Variants in FLRT1 observed in about 807,000 individuals in gnomAD.
FLRT1 encodes the protein leucine-rich repeat transmembrane protein FLRT1.
A neutral mutation model predicts 30.9 loss-of-function variants in FLRT1; 14 were observed. The observed-to-expected ratio is 0.45, with a 90% CI of 0.30 to 0.71. The LOEUF (loss-of-function observed/expected upper bound fraction) is 0.71. FLRT1 is among the 30% of genes least tolerant of loss of function. The pLI, the probability that FLRT1 is intolerant of heterozygous loss-of-function variation, is 0.08. For missense variants in FLRT1, 737 were observed against 949.2 expected (o/e 0.78, Z 2.94); for synonymous variants, 368 against 430.4 (o/e 0.85, Z 1.80).
intron 1 of FLRT1, among the ~76,000 whole-genome samples, chr11:64,097,868 C>T (rs1030416681): frequency 2.6e-5 from 4 of 152,164 alleles, no homozygotes; most frequent in African/African-American, 9.6e-5. Context: ...GAGCCCATAG[C>T]AAGCCGGCTG....
intron 1 of FLRT1, among the ~76,000 whole-genome samples, chr11:64,065,013 G>A (rs1943970740): frequency 6.6e-6 from 1 of 152,216 alleles, no homozygotes; most frequent in South Asian, 2.1e-4. Flanking sequence ...GCCAGAGGCG[G>A]GCAATGCTGG....
Position 64,082,337 on chromosome 11 carries a change from G to T in FLRT1, c.-1037-20857G>T, listed in dbSNP as rs1005741512. On this transcript the variant is annotated intron_variant, in intron 1 of 2. Transcript: ENST00000682287. This position sits in a 1 kb window ranked among gnomAD's most constrained non-coding sequence, Gnocchi z 4.5. ...CGCTGGGTGGAGGATGATCCGGGGG[G>T]ACCGTGGAAGGCAGGACGGGGGCCA... Among the ~76,000 whole-genome samples, 2 of 152,028 alleles carry T rather than the reference G, an allele frequency of 1.3e-5. No homozygotes were observed. The highest frequency in any genetic ancestry group is 2.9e-5 in the Non-Finnish European group (2 of 67,982).
intron 1 of FLRT1, among the ~76,000 whole-genome samples, chr11:64,055,287 G>A (rs1010612810): frequency 6.6e-6 from 1 of 152,224 alleles, no homozygotes; most frequent in Non-Finnish European, 1.5e-5. Flanking sequence ...TGCAGTGGGC[G>A]GGAGACAGGA....
chr11:64,072,041 C>T (rs374797384), intron 1 of FLRT1, among the ~76,000 whole-genome samples: 34 of 152,192 alleles, frequency 2.2e-4, no homozygotes, highest in African/African-American at 7.7e-4. Flanking sequence ...GACCGCCGCG[C>T]GCACTAAATC....
intron 1 of FLRT1, among the ~76,000 whole-genome samples, chr11:64,041,354 C>G (rs1287766176): frequency 1.3e-5 from 2 of 152,096 alleles, no homozygotes; most frequent in African/African-American, 2.4e-5. Flanking sequence ...CCTCCACCCC[C>G]CGTGACGCCT....
At chr11:64,105,080 A>G (rs1056364177) in intron 2 of FLRT1, among the ~76,000 whole-genome samples, 1 of 152,244 alleles carries the variant, frequency 6.6e-6, no homozygotes, top group Non-Finnish European at 1.5e-5. Context: ...CATGCATGCC[A>G]TCTGCGGGGG....
chr11:64,039,082 T>C (rs375069886), intron 1 of FLRT1, among the ~76,000 whole-genome samples: 6 of 152,228 alleles, frequency 3.9e-5, no homozygotes, highest in African/African-American at 1.4e-4. Context: ...GAGGTGGCCC[T>C]CATCCCCTGC....
chr11:64,112,342 G>A (rs996212346), intron 2 of FLRT1, among the ~76,000 whole-genome samples: 5 of 151,936 alleles, frequency 3.3e-5, no homozygotes, highest in African/African-American at 1.2e-4. Flanking sequence ...TGAGACCCCC[G>A]TCTCTACTAA....
chr11:64,118,059 G>A lies in FLRT1; in HGVS notation c.1792G>A (p.Asp598Asn), dbSNP rs138860076. Reference protein sequence around the residue: ...RAYNRGSRKKDDYMESGTKKD... With the variant: ...RAYNRGSRKKNDYMESGTKKD... ...CTACAACCGGGGCAGCAGGAAAAAG[G>A]ATGACTATATGGAGTCAGGGACCAA... Residue 598 changes from aspartate (D) to asparagine (N), a missense_variant, in exon 3 of 3, where the codon GAT becomes AAT. Asp to Asn is a conservative substitution (Grantham distance 23, BLOSUM62 1). Coordinates refer to ENST00000682287, the MANE Select transcript of FLRT1 (RefSeq NM_013280.5). The A allele has an allele frequency of 5.3e-4, 852 of 1,613,588 alleles. 1 individual carries two copies. The highest frequency in any genetic ancestry group is 6.9e-4 in the Non-Finnish European group (815 of 1,179,870).
In FLRT1 at chr11:64,096,244, C is replaced by T. The variant is rs1041190479; in HGVS notation, c.-1037-6950C>T. ...GGGGGTCGAACAGCCACTGTTCTGC[C>T]GACAAAAGCAGGCCAATTTCCTGAA... On this transcript the variant is annotated intron_variant, in intron 1 of 2. Transcript: ENST00000682287. The surrounding 1 kb of genome is among the most constrained non-coding windows in gnomAD (Gnocchi z 4.6). Among the ~76,000 whole-genome samples the T allele has an allele frequency of 9.2e-5, 14 of 152,308 alleles. No homozygotes were observed. Among genetic ancestry groups the T allele is most frequent in the South Asian group, 6.2e-4 (3 of 4,828 alleles).
intron 1 of FLRT1, among the ~76,000 whole-genome samples, chr11:64,076,717 C>T (rs1044389353): frequency 6.6e-6 from 1 of 152,122 alleles, no homozygotes; most frequent in African/African-American, 2.4e-5. Context: ...TTTCAGGAGC[C>T]GGAGGTTTGA....
At position 64,082,544 on chromosome 11, in the gene FLRT1, T is replaced by A. The variant is rs1944322985; in HGVS notation, c.-1037-20650T>A. Among the ~76,000 whole-genome samples, 1 of 151,048 alleles carries A rather than the reference T, an allele frequency of 6.6e-6. No homozygotes were observed. The highest frequency in any genetic ancestry group is 1.5e-5 in the Non-Finnish European group (1 of 67,762). On this transcript the variant is annotated intron_variant, in intron 1 of 2. Coordinates refer to ENST00000682287, the MANE Select transcript of FLRT1 (RefSeq NM_013280.5). The surrounding 1 kb of genome is among the most constrained non-coding windows in gnomAD (Gnocchi z 4.5). Reference sequence around the variant, plus strand: ...TGCCTAACGGTGGTGGCCGTGGGAGTCAGAGCTCCAGGCGGAAGTAGGGTT... The same window carrying A: ...TGCCTAACGGTGGTGGCCGTGGGAGACAGAGCTCCAGGCGGAAGTAGGGTT...
chr11:64,100,432 G>A (rs1944651440), intron 1 of FLRT1, among the ~76,000 whole-genome samples: 2 of 152,152 alleles, frequency 1.3e-5, no homozygotes, highest in Non-Finnish European at 2.9e-5. Context: ...TGGTTTATTG[G>A]TTTTGAGCAC....
chr11:64,085,286 G>A (rs1377158978), intron 1 of FLRT1, among the ~76,000 whole-genome samples: 1 of 152,224 alleles, frequency 6.6e-6, no homozygotes, highest in African/African-American at 2.4e-5. Context: ...GGCCAGAGCT[G>A]ATTCTGTCCT....
chr11:64,045,272 G>A (rs533687587), intron 1 of FLRT1, among the ~76,000 whole-genome samples: 1 of 152,198 alleles, frequency 6.6e-6, no homozygotes, highest in Admixed American at 6.5e-5. Context: ...GCGGCCTGCC[G>A]TCACAGAGCA....
intron 1 of FLRT1, among the ~76,000 whole-genome samples, chr11:64,048,893 C>T (rs1353544342): frequency 2.0e-5 from 3 of 152,032 alleles, no homozygotes; most frequent in African/African-American, 7.3e-5. Flanking sequence ...CTTGCCCTGT[C>T]CCCACAGAGC....
intron 1 of FLRT1, among the ~76,000 whole-genome samples, chr11:64,048,402 G>T (rs893376292): frequency 6.6e-6 from 1 of 152,214 alleles, no homozygotes; most frequent in African/African-American, 2.4e-5. Context: ...GCCTCCCGGG[G>T]AGGGTCTGCC....
chr11:64,072,139 G>A (rs547416395), intron 1 of FLRT1, among the ~76,000 whole-genome samples: 32 of 152,356 alleles, frequency 2.1e-4, no homozygotes, highest in African/African-American at 7.0e-4. Context: ...GCAGCCAGGG[G>A]TGGGAGTGAG....
rs1943379395 is a variant in FLRT1 at position 64,036,325 on chromosome 11, TTTG to T, written c.-1038+167_-1038+169del. 6.6e-6 allele frequency among the ~76,000 whole-genome samples: 1 copy of T among 151,692 alleles called. No individual in the cohort carries two copies. ...GAGATGGGACGCCCAGCCTTTGGGA[TTTG>T]GGGTGGGGGTCCCTGAGTCAAGAGC... On this transcript the variant is annotated intron_variant, in intron 1 of 2. Transcript: ENST00000682287. This position sits in a 1 kb window ranked among gnomAD's most constrained non-coding sequence, Gnocchi z 5.6.
Sources: gnomAD v4.1 joint callset for allele counts (sites outside exome capture counted in the v4.1 genomes callset) on GRCh38, gnomAD v4.1.1 for gene constraint, Gnocchi (gnomAD v3.1) non-coding constraint, MANE v1.5 for transcripts, NCBI Gene and HGNC (gene_info 2026-07-23, HGNC 2026-07-21) for gene names.